Variants in MAP3K20 observed in about 807,000 individuals in gnomAD.
MAP3K20 encodes the protein mitogen-activated protein kinase kinase kinase 20, also known as HCCS-4.
Under a neutral mutation model 85.7 loss-of-function variants are expected in MAP3K20, and 40 were observed. The observed-to-expected ratio is 0.47, with a 90% CI of 0.36 to 0.61. The LOEUF is 0.61. Ranked by LOEUF, MAP3K20 falls within the 20% of genes least tolerant of loss-of-function variation. MAP3K20 has a pLI of 0.00. For synonymous variants in MAP3K20, 325 were observed against 327.7 expected, an observed-to-expected ratio of 0.99 and a Z score of 0.09; for missense variants, 817 against 961.7, an observed-to-expected ratio of 0.85 and a Z score of 1.99.
At chr2:173,158,852 C>T (rs777158357) in intron 2 of MAP3K20, among the ~76,000 whole-genome samples, 34 of 152,222 alleles carry the variant, frequency 2.2e-4, no homozygotes, top group Non-Finnish European at 4.6e-4. Flanking sequence ...GCAGAGCCAA[C>T]GTTGTAATGA....
chr2:173,138,682 A>G (rs1377821584), intron 2 of MAP3K20, among the ~76,000 whole-genome samples: 1 of 152,214 alleles, frequency 6.6e-6, no homozygotes, highest in Non-Finnish European at 1.5e-5. Flanking sequence ...TGGAGCTCTT[A>G]CACCCTGTTA....
intron 8 of MAP3K20, among the ~76,000 whole-genome samples, chr2:173,199,472 A>C (rs1559274720): frequency 6.6e-6 from 1 of 152,222 alleles, no homozygotes; most frequent in East Asian, 1.9e-4. Context: ...AGGATGACTG[A>C]TATTGTCGTC....
At position 173,266,829 on chromosome 2, in the gene MAP3K20, C is replaced by T. The variant is rs1292295239; in HGVS notation, c.*79C>T. 1.6e-6 allele frequency: 2 copies of T among 1,270,470 alleles called. No homozygotes were observed. Among genetic ancestry groups the T allele is most frequent in the East Asian group, 5.2e-5 (2 of 38,574 alleles). The allele number at this position is 1,270,470 out of a possible 1,614,324, so 78.7% of individuals were successfully genotyped here. Reference sequence around the variant, plus strand: ...ATGTAATGGTTTTTGATAATATGATCCCTTCAGATTGAATTAACGAAAAGA... The same window carrying T: ...ATGTAATGGTTTTTGATAATATGATTCCTTCAGATTGAATTAACGAAAAGA... On this transcript the variant is annotated 3_prime_UTR_variant, in exon 20 of 20. Coordinates refer to ENST00000375213, the MANE Select transcript of MAP3K20 (RefSeq NM_016653.3).
intron 2 of MAP3K20, among the ~76,000 whole-genome samples, chr2:173,108,937 T>G (rs568121904): frequency 1.3e-5 from 2 of 152,326 alleles, no homozygotes; most frequent in Admixed American, 1.3e-4. Context: ...ATCTTTATAA[T>G]TGGTCTGTTT....
At chr2:173,182,180 C>G (rs1427209051) in intron 3 of MAP3K20, among the ~76,000 whole-genome samples, 1 of 152,162 alleles carries the variant, frequency 6.6e-6, no homozygotes, top group Admixed American at 6.6e-5. Flanking sequence ...AGAAAAGGCA[C>G]ACTGGTAGAG....
intron 3 of MAP3K20, among the ~76,000 whole-genome samples, chr2:173,171,338 G>T (rs1689996066): frequency 6.6e-6 from 1 of 152,156 alleles, no homozygotes; most frequent in Admixed American, 6.5e-5. Context: ...TGTGGCTGAT[G>T]TTATTCCTCC....
chr2:173,179,181 C>T (rs1267233676), intron 3 of MAP3K20, among the ~76,000 whole-genome samples: 1 of 152,046 alleles, frequency 6.6e-6, no homozygotes, highest in Non-Finnish European at 1.5e-5. Flanking sequence ...ATCACAAGGT[C>T]AGGAGATTGA....
intron 16 of MAP3K20, among the ~76,000 whole-genome samples, chr2:173,255,411 T>C (rs1685135448): frequency 6.6e-6 from 1 of 152,240 alleles, no homozygotes; most frequent in Non-Finnish European, 1.5e-5. Context: ...GTCAACCACG[T>C]ATTGGTCATG....
At chr2:173,131,547 AAC>A (rs1292882151) in intron 2 of MAP3K20, among the ~76,000 whole-genome samples, 6 of 152,242 alleles carry the variant, frequency 3.9e-5, no homozygotes, top group African/African-American at 1.4e-4. Context: ...ACCAATTAAT[AAC>A]AGTTATTTTA....
chr2:173,201,461 A>G (rs1691058120), intron 8 of MAP3K20, among the ~76,000 whole-genome samples: 1 of 152,214 alleles, frequency 6.6e-6, no homozygotes, highest in Admixed American at 6.5e-5. Context: ...CTAAATAACA[A>G]AACTATTTGA....
At chr2:173,158,851 A>G (rs1349608473) in intron 2 of MAP3K20, among the ~76,000 whole-genome samples, 1 of 152,234 alleles carries the variant, frequency 6.6e-6, no homozygotes, top group Non-Finnish European at 1.5e-5. Flanking sequence ...GGCAGAGCCA[A>G]CGTTGTAATG....
At chr2:173,156,739 C>T (rs536569610) in intron 2 of MAP3K20, among the ~76,000 whole-genome samples, 72 of 152,334 alleles carry the variant, frequency 4.7e-4, no homozygotes, top group African/African-American at 1.5e-3. Context: ...TGGTTCCTAA[C>T]AGACCACTGT....
intron 4 of MAP3K20, among the ~76,000 whole-genome samples, chr2:173,183,456 G>A (rs1274323652): frequency 6.6e-6 from 1 of 152,110 alleles, no homozygotes; most frequent in Admixed American, 6.5e-5. Context: ...TACATTTAAT[G>A]TAAACTTACT....
chr2:173,241,064 A>C (rs1388521917), intron 16 of MAP3K20, among the ~76,000 whole-genome samples: 1 of 152,220 alleles, frequency 6.6e-6, no homozygotes, highest in African/African-American at 2.4e-5. Flanking sequence ...AGATAGTAGA[A>C]TGATGATTAC....
intron 3 of MAP3K20, among the ~76,000 whole-genome samples, chr2:173,181,028 A>C (rs1201729352): frequency 6.6e-6 from 1 of 152,236 alleles, no homozygotes; most frequent in African/African-American, 2.4e-5. Context: ...AAAAAAAATT[A>C]TTAGAACTCA....
At position 173,134,417 on chromosome 2, in the gene MAP3K20, TA is replaced by T. The variant is rs1253973167; in HGVS notation, c.160-35387del. 4.2e-3 allele frequency among the ~76,000 whole-genome samples: 84 copies of T among 19,922 alleles called. 4 individuals are homozygous for T. Among genetic ancestry groups the T allele is most frequent in the African/African-American group, 0.012 (60 of 5,200 alleles). 13.1% of individuals were successfully genotyped at this position (19,922 alleles called of 152,430 possible). A position where few individuals can be genotyped will look rare whatever the true frequency, so the allele number is the denominator to read the frequency against. On this transcript the variant is annotated intron_variant, in intron 2 of 19. Transcript: ENST00000375213. Reference sequence around the variant, plus strand: ...ACATATATATATATATATATATATATATATATATATATTTTTTTTTTTTTTT... The same window carrying T: ...ACATATATATATATATATATATATATTATATATATATTTTTTTTTTTTTTT...
At position 173,209,825 on chromosome 2, in the gene MAP3K20, G is replaced by A; in HGVS notation, c.841G>A (p.Ala281Thr). The A allele has an allele frequency of 1.2e-6, 2 of 1,614,054 alleles. No homozygotes were observed. The highest frequency in any genetic ancestry group is 8.5e-7 in the Non-Finnish European group (1 of 1,179,986). ...GTGTAACTCATTCCTACACAACAAG[G>A]CGGAGTGGAGGTGGGTAGCCCCGAC... ...DKCNSFLHNKAEWRCEIEATL... is the reference protein window; with the variant it reads ...DKCNSFLHNKTEWRCEIEATL... Residue 281 changes from alanine (A) to threonine (T), a missense_variant, in exon 10 of 20, where the codon GCG becomes ACG. Coordinates refer to ENST00000375213, the MANE Select transcript of MAP3K20 (RefSeq NM_016653.3).
intron 3 of MAP3K20, among the ~76,000 whole-genome samples, chr2:173,173,567 A>C (rs919169022): frequency 6.6e-6 from 1 of 152,192 alleles, no homozygotes; most frequent in African/African-American, 2.4e-5. Flanking sequence ...TTAAGTGCCC[A>C]ATCTCATTTC....
At chr2:173,152,204 A>G (rs1394378623) in intron 2 of MAP3K20, among the ~76,000 whole-genome samples, 2 of 152,248 alleles carry the variant, frequency 1.3e-5, no homozygotes, top group African/African-American at 2.4e-5. Context: ...TCAGGCTGCC[A>G]GAATGTTGCT....
Sources: allele counts gnomAD v4.1 joint callset (sites outside exome capture counted in the v4.1 genomes callset), GRCh38; gene constraint gnomAD v4.1.1; transcripts MANE v1.5; gene names NCBI Gene and HGNC (gene_info 2026-07-23, HGNC 2026-07-21).